The following MLLT10 variants were observed in gnomAD, a reference collection of about 807,000 sequenced individuals.
MLLT10 encodes the protein protein AF-10.
A neutral mutation model predicts 129.1 loss-of-function variants in MLLT10; 30 were observed. The observed-to-expected ratio is 0.23, with a 90% CI of 0.17 to 0.32. The LOEUF (loss-of-function observed/expected upper bound fraction) is 0.32, where lower values mean the gene tolerates loss of function less well. MLLT10 is among the 10% of genes least tolerant of loss of function. The pLI, the probability that MLLT10 is intolerant of heterozygous loss-of-function variation, is 1.00. For missense variants in MLLT10, 1,119 were observed against 1,268.3 expected, an observed-to-expected ratio of 0.88 and a Z score of 1.79; for synonymous variants, 490 against 446.4, an observed-to-expected ratio of 1.10 and a Z score of -1.23.
intron 8 of MLLT10, among the ~76,000 whole-genome samples, chr10:21,644,619 C>G (rs913902042): frequency 2.7e-4 from 41 of 151,966 alleles, no homozygotes; most frequent in Non-Finnish European, 1.5e-5. Context: ...GGGGAATACC[C>G]TAGGATTCTA....
intron 3 of MLLT10, chr10:21,556,722 C>T: frequency 6.2e-7 from 1 of 1,612,336 alleles, no homozygotes; most frequent in Non-Finnish European, 8.5e-7. Flanking sequence ...GCATGTGCAT[C>T]TCCCCACCCC....
At chr10:21,602,435 A>G (rs191278220) in intron 5 of MLLT10, among the ~76,000 whole-genome samples, 1 of 152,246 alleles carries the variant, frequency 6.6e-6, no homozygotes, top group East Asian at 1.9e-4. Flanking sequence ...ACCATGTGAT[A>G]ATCTTTTTAT....
At chr10:21,674,945 A>G (rs2051920263) in intron 11 of MLLT10, among the ~76,000 whole-genome samples, 1 of 152,192 alleles carries the variant, frequency 6.6e-6, no homozygotes, top group Non-Finnish European at 1.5e-5. Context: ...AATAGTTGTG[A>G]ATACACAGTA....
At chr10:21,703,800 T>A (rs916427042) in intron 13 of MLLT10, among the ~76,000 whole-genome samples, 6 of 151,836 alleles carry the variant, frequency 4.0e-5, no homozygotes, top group Non-Finnish European at 8.8e-5. Flanking sequence ...CGCCTCAGCC[T>A]CCCAAAGTGC....
intron 3 of MLLT10, among the ~76,000 whole-genome samples, chr10:21,553,688 C>T (rs534268535): frequency 3.7e-4 from 56 of 150,544 alleles, no homozygotes; most frequent in African/African-American, 1.2e-3. Context: ...GCCTCTCTGT[C>T]GCCCAGGCTG....
At chr10:21,584,543 A>G (rs2041808123) in intron 3 of MLLT10, among the ~76,000 whole-genome samples, 2 of 151,558 alleles carry the variant, frequency 1.3e-5, no homozygotes, top group Admixed American at 6.6e-5. Context: ...CGAACTCCTG[A>G]CCTCAAGTGG....
chr10:21,623,559 T>G (rs1052172606), intron 8 of MLLT10, among the ~76,000 whole-genome samples: 1 of 152,144 alleles, frequency 6.6e-6, no homozygotes. Flanking sequence ...ACACACACAC[T>G]TATTATATAT....
chr10:21,591,962 CT>C lies in MLLT10; in HGVS notation c.296-3368del, dbSNP rs1312580833. Among the ~76,000 whole-genome samples the C allele has an allele frequency of 2.0e-5, 3 of 152,232 alleles. No individual in the cohort carries two copies. In the East Asian group the frequency reaches 5.8e-4, roughly 29 times the overall value. ...TCTGAAACTCCTGACCTCAAGTGAT[CT>C]GCCTGCCTTGGCTATCTAAAGTGTT... On this transcript the variant is annotated intron_variant, in intron 4 of 22. Coordinates refer to ENST00000307729, the MANE Select transcript of MLLT10 (RefSeq NM_001195626.3).
At chr10:21,698,074 G>C (rs2054541978) in intron 13 of MLLT10, among the ~76,000 whole-genome samples, 1 of 152,194 alleles carries the variant, frequency 6.6e-6, no homozygotes, top group Non-Finnish European at 1.5e-5. Context: ...AACATTTCAA[G>C]TCTTCTCTTC....
intron 4 of MLLT10, among the ~76,000 whole-genome samples, chr10:21,589,188 CTTTG>C (rs1259864504): frequency 6.6e-6 from 1 of 151,854 alleles, no homozygotes; most frequent in African/African-American, 2.4e-5. Flanking sequence ...TCTGGTCAGT[CTTTG>C]TTTATATTGT....
intron 13 of MLLT10, among the ~76,000 whole-genome samples, chr10:21,712,468 C>A (rs1332656016): frequency 6.6e-6 from 1 of 152,208 alleles, no homozygotes; most frequent in Non-Finnish European, 1.5e-5. Context: ...TATGTTGATA[C>A]AAATTACTGA....
At chr10:21,540,401 A>G (rs2034931213) in intron 3 of MLLT10, among the ~76,000 whole-genome samples, 1 of 151,746 alleles carries the variant, frequency 6.6e-6, no homozygotes, top group African/African-American at 2.4e-5. Flanking sequence ...CAAAAAAAAA[A>G]AAAAATTAGT....
rs2054378477 is a variant in MLLT10, at chr10:21,696,528, AT to A, written c.1699+14276del. Among the ~76,000 whole-genome samples the A allele has an allele frequency of 2.0e-5, 3 of 152,130 alleles. 1 individual carries two copies. The highest frequency in any genetic ancestry group is 4.4e-5 in the Non-Finnish European group (3 of 68,002). ...CTCTCACATTGCCAAGTCAGTGGGT[AT>A]TTTTAGTCTTCATCTTAGATGACCT... On this transcript the variant is annotated intron_variant, in intron 13 of 22. Transcript: ENST00000307729.
chr10:21,698,183 G>A (rs2131461198), intron 13 of MLLT10, among the ~76,000 whole-genome samples: 1 of 152,190 alleles, frequency 6.6e-6, no homozygotes, highest in Middle Eastern at 3.4e-3. Flanking sequence ...CTGTATGTTT[G>A]TACCCATTCA....
At chr10:21,549,082 G>T (rs180713767) in intron 3 of MLLT10, among the ~76,000 whole-genome samples, 1 of 149,826 alleles carries the variant, frequency 6.7e-6, no homozygotes, top group African/African-American at 2.5e-5. Context: ...GTGTTTGGCC[G>T]ACCAGATTAT....
chr10:21,711,643 G>T (rs1273667463), intron 13 of MLLT10, among the ~76,000 whole-genome samples: 1 of 151,830 alleles, frequency 6.6e-6, no homozygotes, highest in African/African-American at 2.4e-5. Flanking sequence ...CTACTTGGGA[G>T]GCTGAGGCAG....
intron 3 of MLLT10, among the ~76,000 whole-genome samples, chr10:21,561,661 C>T (rs547565078): frequency 6.6e-5 from 10 of 152,312 alleles, no homozygotes; most frequent in African/African-American, 2.4e-4. Context: ...GTAGATAATC[C>T]AGTTTTCCCA....
intron 13 of MLLT10, among the ~76,000 whole-genome samples, chr10:21,707,392 C>T (rs987737568): frequency 8.6e-5 from 13 of 151,762 alleles, no homozygotes; most frequent in South Asian, 6.3e-4. Context: ...GGGGTTTCAC[C>T]GTGTTAGCCA....
intron 21 of MLLT10, among the ~76,000 whole-genome samples, chr10:21,737,935 A>T (rs1369469154): frequency 6.6e-6 from 1 of 152,208 alleles, no homozygotes; most frequent in Non-Finnish European, 1.5e-5. Flanking sequence ...GTCTGTTTTT[A>T]GAGTGGTGTT....
Sources: allele counts gnomAD v4.1 joint callset (sites outside exome capture counted in the v4.1 genomes callset), GRCh38; gene constraint gnomAD v4.1.1; transcripts MANE v1.5; gene names NCBI Gene and HGNC (gene_info 2026-07-23, HGNC 2026-07-21).